The following SLC2A13 variants were observed in gnomAD, a reference collection of about 807,000 sequenced individuals.
SLC2A13 encodes proton myo-inositol cotransporter.
In SLC2A13, 32 loss-of-function variants were observed where a neutral mutation model predicts 64.4. The observed-to-expected ratio is 0.50, with a 90% CI of 0.37 to 0.67. The LOEUF (loss-of-function observed/expected upper bound fraction) is 0.67, where lower values mean the gene tolerates loss of function less well. SLC2A13 is among the 30% of genes least tolerant of loss of function. SLC2A13 has a pLI of 0.00. For missense variants in SLC2A13, 743 were observed against 829.2 expected (o/e 0.90, Z 1.28); for synonymous variants, 338 against 327.1 (o/e 1.03, Z -0.36).
chr12:39,882,036 C>T (rs557068684), intron 4 of SLC2A13, among the ~76,000 whole-genome samples: 5 of 152,260 alleles, frequency 3.3e-5, no homozygotes, highest in Admixed American at 3.3e-4. Context: ...TCTCAAGGCT[C>T]ACTTACTTGA....
intron 1 of SLC2A13, among the ~76,000 whole-genome samples, chr12:40,079,631 G>A (rs1319027426): frequency 6.6e-6 from 1 of 152,184 alleles, no homozygotes; most frequent in Non-Finnish European, 1.5e-5. Flanking sequence ...ATGTGGTTAA[G>A]TGTCAAGTTT....
intron 3 of SLC2A13, among the ~76,000 whole-genome samples, chr12:40,024,925 G>A (rs543037139): frequency 8.5e-4 from 129 of 152,258 alleles, no homozygotes; most frequent in African/African-American, 2.9e-3. Context: ...TTGAGACACA[G>A]CCAGTGATAT....
intron 4 of SLC2A13, among the ~76,000 whole-genome samples, chr12:39,884,254 C>A (rs1174208072): frequency 6.6e-6 from 1 of 152,106 alleles, no homozygotes; most frequent in Admixed American, 6.6e-5. Context: ...CAGGCATGAG[C>A]CACTGGACCC....
At chr12:39,824,964 G>T (rs1431642030) in intron 7 of SLC2A13, among the ~76,000 whole-genome samples, 1 of 152,184 alleles carries the variant, frequency 6.6e-6, no homozygotes, top group Non-Finnish European at 1.5e-5. Flanking sequence ...AATGACAAGG[G>T]ATTTAAACTG....
intron 3 of SLC2A13, among the ~76,000 whole-genome samples, chr12:39,979,116 T>A (rs1471541188): frequency 2.6e-5 from 4 of 151,602 alleles, no homozygotes; most frequent in Non-Finnish European, 2.9e-5. Flanking sequence ...GAGGGTCCTG[T>A]CTGTTAGAAG....
In SLC2A13 at chr12:39,824,738, T is replaced by G. The variant is rs115198081; in HGVS notation, c.1445+5365A>C. On this transcript the variant is annotated intron_variant, in intron 7 of 9. Coordinates refer to ENST00000280871, the MANE Select transcript of SLC2A13 (RefSeq NM_052885.4). ...TATAGCCAGGAAATGTCTCTCATAG[T>G]ATGCTACATCCAGGGGAGTGCTAGA... is the stretch of plus-strand genomic sequence containing the variant. Among the ~76,000 whole-genome samples the G allele has an allele frequency of 5.6e-4, 85 of 152,212 alleles. 1 individual carries two copies. Among genetic ancestry groups the G allele is most frequent in the African/African-American group, 2.0e-3 (84 of 41,520 alleles).
chr12:39,927,340 T>C (rs1481598284), intron 4 of SLC2A13, among the ~76,000 whole-genome samples: 1 of 152,134 alleles, frequency 6.6e-6, no homozygotes, highest in Non-Finnish European at 1.5e-5. Flanking sequence ...AGAATAGAGA[T>C]CAAAAACTAA....
chr12:40,021,815 T>A (rs1947724349), intron 3 of SLC2A13, among the ~76,000 whole-genome samples: 1 of 152,176 alleles, frequency 6.6e-6, no homozygotes, highest in Admixed American at 6.5e-5. Context: ...GCAGCAGATG[T>A]CAATTGCAAC....
At chr12:40,007,327 C>T (rs1439329437) in intron 3 of SLC2A13, among the ~76,000 whole-genome samples, 1 of 152,090 alleles carries the variant, frequency 6.6e-6, no homozygotes, top group East Asian at 1.9e-4. Context: ...ATTTTAAGCA[C>T]ACGGTCTAGT....
chr12:39,928,881 C>A (rs1038635696), intron 4 of SLC2A13, among the ~76,000 whole-genome samples: 10 of 152,076 alleles, frequency 6.6e-5, no homozygotes, highest in Admixed American at 6.6e-4. Flanking sequence ...TTGGAGGTAC[C>A]AAATATCTCA....
intron 7 of SLC2A13, among the ~76,000 whole-genome samples, chr12:39,820,389 T>C (rs755678336): frequency 9.2e-5 from 14 of 152,328 alleles, no homozygotes; most frequent in East Asian, 1.9e-4. Context: ...GGAATTGTGA[T>C]TGGCATTGGT....
In SLC2A13 at chr12:40,016,205, A is replaced by T. The variant is rs924245317; in HGVS notation, c.925+12096T>A. 6.6e-5 allele frequency among the ~76,000 whole-genome samples: 10 copies of T among 152,294 alleles called. No individual in the cohort carries two copies. In the East Asian group the frequency reaches 1.9e-3, roughly 29 times the overall value. On this transcript the variant is annotated intron_variant, in intron 3 of 9. Transcript: ENST00000280871. ...ACATACTACACCACCCCCCCAAAAA[A>T]AAACTACTCTTGAAATCTGAATATC...
chr12:39,971,997 A>AAAAAAAT (rs1375405006), intron 3 of SLC2A13, among the ~76,000 whole-genome samples: 1 of 77,352 alleles, frequency 1.3e-5, no homozygotes, highest in African/African-American at 4.8e-5. Flanking sequence ...AAAAAAAAAA[A>AAAAAAAT]ATATATATAT....
At chr12:40,098,570 A>T (rs1047879234) in intron 1 of SLC2A13, among the ~76,000 whole-genome samples, 1 of 152,226 alleles carries the variant, frequency 6.6e-6, no homozygotes, top group African/African-American at 2.4e-5. Flanking sequence ...GTAAAGAACA[A>T]TTATGCTAGT....
intron 7 of SLC2A13, among the ~76,000 whole-genome samples, chr12:39,774,423 T>C (rs1228220428): frequency 6.6e-6 from 1 of 152,190 alleles, no homozygotes; most frequent in Non-Finnish European, 1.5e-5. Flanking sequence ...TATTTAATAA[T>C]CTAAAATGAA....
intron 4 of SLC2A13, among the ~76,000 whole-genome samples, chr12:39,899,760 G>C (rs1945033769): frequency 6.6e-6 from 1 of 152,210 alleles, no homozygotes; most frequent in Middle Eastern, 3.4e-3. Flanking sequence ...TTCAGGAGCA[G>C]GTTGTTCAGT....
At chr12:39,766,119 C>T (rs547785121) in intron 7 of SLC2A13, among the ~76,000 whole-genome samples, 6 of 152,114 alleles carry the variant, frequency 3.9e-5, no homozygotes, top group Non-Finnish European at 7.4e-5. Flanking sequence ...CTGATCACAA[C>T]CACCACTTTG....
intron 4 of SLC2A13, among the ~76,000 whole-genome samples, chr12:39,898,021 C>G (rs1365406304): frequency 6.6e-6 from 1 of 151,974 alleles, no homozygotes; most frequent in Non-Finnish European, 1.5e-5. Context: ...TTAATCATAA[C>G]AATTATTTTT....
chr12:39,854,998 T>A (rs890283085), intron 6 of SLC2A13, among the ~76,000 whole-genome samples: 1 of 152,200 alleles, frequency 6.6e-6, no homozygotes, highest in Non-Finnish European at 1.5e-5. Flanking sequence ...CTCTATTTCA[T>A]TAACCTTTTA....
Sources: gnomAD v4.1 joint callset for allele counts (sites outside exome capture counted in the v4.1 genomes callset) on GRCh38, gnomAD v4.1.1 for gene constraint, MANE v1.5 for transcripts, NCBI Gene and HGNC (gene_info 2026-07-23, HGNC 2026-07-21) for gene names.